The following GABRA4 variants were observed in gnomAD, a reference collection of about 807,000 sequenced individuals.
GABRA4 encodes gamma-aminobutyric acid type A receptor subunit alpha4.
In GABRA4, 12 loss-of-function variants were observed where a neutral mutation model predicts 49.7. The ratio of observed to expected loss-of-function variants is 0.24; its 90% confidence interval spans 0.15 to 0.39. The LOEUF (loss-of-function observed/expected upper bound fraction) is 0.39, where lower values mean the gene tolerates loss of function less well. Ranked by LOEUF, GABRA4 falls within the 10% of genes least tolerant of loss-of-function variation. The pLI, the probability that GABRA4 is intolerant of heterozygous loss-of-function variation, is 1.00. For missense variants in GABRA4, 506 were observed against 686.0 expected (o/e 0.74, Z 2.93); for synonymous variants, 288 against 240.2 (o/e 1.20, Z -1.84).
rs1577787883 is a variant in GABRA4, at chr4:46,977,129, G to A, written c.509C>T (p.Ala170Val). The stretch of plus-strand genomic sequence containing the variant: ...ATCCACCAATCTCATGGGACACTCC[G>A]CACTTATGGTGAGTCTATGATGAAA... ...ILYTMRLTIS[A>V]ECPMRLVDFP... Residue 170 changes from alanine (A) to valine (V), a missense_variant, in exon 5 of 9, where the codon GCG becomes GTG. Ala to Val is a moderately conservative substitution (Grantham distance 64, BLOSUM62 0). Coordinates refer to ENST00000264318, the MANE Select transcript of GABRA4 (RefSeq NM_000809.4). The A allele has an allele frequency of 2.5e-6, 4 of 1,604,070 alleles. No individual in the cohort carries two copies. Among genetic ancestry groups the A allele is most frequent in the Non-Finnish European group, 3.4e-6 (4 of 1,172,760 alleles).
Position 46,922,164 on chromosome 4 carries a change from G to C in GABRA4, c.*6061C>G, listed in dbSNP as rs913168687. ...AGAATACTAAGGCTAATGTGGGGAA[G>C]GGGGTGGGACTACAAGCAATAATCA... On this transcript the variant is annotated 3_prime_UTR_variant, in exon 9 of 9. Transcript: ENST00000264318. The C allele has an allele frequency of 6.6e-6, 1 of 152,126 alleles. No individual in the cohort carries two copies. Among genetic ancestry groups the C allele is most frequent in the Non-Finnish European group, 1.5e-5 (1 of 68,030 alleles). 9.4% of individuals were successfully genotyped at this position (152,126 alleles called of 1,614,324 possible).
chr4:46,964,856 T>G (rs1722696788), intron 8 of GABRA4, 114 bp downstream of exon 8: 1 of 1,145,988 alleles, frequency 8.7e-7, no homozygotes, highest in African/African-American at 1.6e-5. Context: ...TCTGTATTTT[T>G]AAATGACTTA....
At position 46,920,185 on chromosome 4, in the gene GABRA4, T is replaced by G. The variant is rs1213117032; in HGVS notation, c.*8040A>C. Reference sequence around the variant, plus strand: ...ACATTGTCTGTTATCAGAGCTTCTTTTACTTCCCTCTAAGGAAGCTGTTTT... The same window carrying G: ...ACATTGTCTGTTATCAGAGCTTCTTGTACTTCCCTCTAAGGAAGCTGTTTT... On this transcript the variant is annotated 3_prime_UTR_variant, in exon 9 of 9. Transcript: ENST00000264318. The G allele has an allele frequency of 6.6e-6, 1 of 151,722 alleles. No individual in the cohort carries two copies. Among genetic ancestry groups the G allele is most frequent in the East Asian group, 1.9e-4 (1 of 5,194 alleles). The allele number at this position is 151,722 out of a possible 1,614,324, so 9.4% of individuals were successfully genotyped here.
At chr4:46,952,634 CA>C (rs1313785352) in intron 8 of GABRA4, among the ~76,000 whole-genome samples, 1 of 151,944 alleles carries the variant, frequency 6.6e-6, no homozygotes. Flanking sequence ...CTCAAAATAG[CA>C]AAAGGGAAAA....
At position 46,921,509 on chromosome 4, in the gene GABRA4, T is replaced by G. The variant is rs563610782; in HGVS notation, c.*6716A>C. On this transcript the variant is annotated 3_prime_UTR_variant, in exon 9 of 9. Coordinates refer to ENST00000264318, the MANE Select transcript of GABRA4 (RefSeq NM_000809.4). ...ATTTATTTTTTATACAGGAGTTCTT[T>G]CTATCAGCTTCCTAGTCCTTCTCAA... is the stretch of plus-strand genomic sequence containing the variant. 1 of 152,180 alleles carries G rather than the reference T, an allele frequency of 6.6e-6. No individual in the cohort carries two copies. The highest frequency in any genetic ancestry group is 1.9e-4 in the East Asian group (1 of 5,176). The allele number at this position is 152,180 out of a possible 1,614,324, so 9.4% of individuals were successfully genotyped here. A position where few individuals can be genotyped will look rare whatever the true frequency, so the allele number is the denominator to read the frequency against.
At chr4:46,932,177 TCCAC>T (rs1721461713) in intron 8 of GABRA4, among the ~76,000 whole-genome samples, 1 of 152,078 alleles carries the variant, frequency 6.6e-6, no homozygotes, top group African/African-American at 2.4e-5. Flanking sequence ...TGTTGCCTAA[TCCAC>T]ACGCTAGCTG....
At chr4:46,961,103 C>G (rs913111743) in intron 8 of GABRA4, among the ~76,000 whole-genome samples, 1 of 151,982 alleles carries the variant, frequency 6.6e-6, no homozygotes, top group East Asian at 1.9e-4. Flanking sequence ...AAAATTCATT[C>G]TGATGATTTT....
At chr4:46,942,667 G>A (rs1288935968) in intron 8 of GABRA4, among the ~76,000 whole-genome samples, 1 of 150,886 alleles carries the variant, frequency 6.6e-6, no homozygotes, top group Non-Finnish European at 1.5e-5. Flanking sequence ...TACTGTCTCA[G>A]TATGTAACAC....
chr4:46,977,697 C>T (rs1723196244), intron 3 of GABRA4, 67 bp from the exon 4 acceptor site: 4 of 1,055,670 alleles, frequency 3.8e-6, no homozygotes, highest in Non-Finnish European at 5.6e-6. Context: ...GAAAATAATG[C>T]ATTAAATTCT....
Position 46,980,638 on chromosome 4 carries a change from A to G in GABRA4, c.206-1540T>C, listed in dbSNP as rs1406860977. Among the ~76,000 whole-genome samples the G allele has an allele frequency of 2.6e-5, 4 of 152,240 alleles. No homozygotes were observed. The South Asian group carries it at 6.2e-4, about 24-fold the overall frequency. Reference sequence around the variant, plus strand: ...ATTTAATGTTTTCAAGACTACATCTATGGAAAGCAGAAAAGTTAATTAAAT... The same window carrying G: ...ATTTAATGTTTTCAAGACTACATCTGTGGAAAGCAGAAAAGTTAATTAAAT... On this transcript the variant is annotated intron_variant, in intron 2 of 8. Coordinates refer to ENST00000264318, the MANE Select transcript of GABRA4 (RefSeq NM_000809.4).
chr4:46,955,078 T>C (rs906599286), intron 8 of GABRA4, among the ~76,000 whole-genome samples: 1 of 152,174 alleles, frequency 6.6e-6, no homozygotes, highest in Non-Finnish European at 1.5e-5. Context: ...TGCTGCTCTC[T>C]AAATTCTATG....
chr4:46,951,619 C>T (rs1250005175), intron 8 of GABRA4, among the ~76,000 whole-genome samples: 1 of 151,932 alleles, frequency 6.6e-6, no homozygotes, highest in East Asian at 1.9e-4. Flanking sequence ...GTGCCAGGGA[C>T]CTAGACAAAG....
At chr4:46,965,360 C>A in intron 7 of GABRA4, 131 bp from the exon 8 acceptor site, 3 of 679,016 alleles carry the variant, frequency 4.4e-6, no homozygotes, top group Non-Finnish European at 6.7e-6. Context: ...TCAAAGAAAA[C>A]CATCTTTGAT....
At chr4:46,939,906 G>T (rs1369703720) in intron 8 of GABRA4, among the ~76,000 whole-genome samples, 1 of 151,900 alleles carries the variant, frequency 6.6e-6, no homozygotes, top group African/African-American at 2.4e-5. Flanking sequence ...GTCATGAAGT[G>T]CTTATAGATA....
At chr4:46,987,753 G>T (rs900123564) in intron 2 of GABRA4, among the ~76,000 whole-genome samples, 1 of 152,040 alleles carries the variant, frequency 6.6e-6, no homozygotes, top group African/African-American at 2.4e-5. Flanking sequence ...AGTAACAAAA[G>T]CTTCATTGGT....
At chr4:46,974,173 G>T in intron 6 of GABRA4, 59 bp downstream of exon 6, 1 of 1,518,312 alleles carries the variant, frequency 6.6e-7, no homozygotes. Context: ...AAAAAGTCAG[G>T]AGAAAACTTT....
intron 3 of GABRA4, 138 bp downstream of exon 3, chr4:46,978,893 A>T: frequency 1.5e-6 from 1 of 678,294 alleles, no homozygotes; most frequent in Non-Finnish European, 2.7e-6. Flanking sequence ...CTTACTCTTC[A>T]TACATTCTTA....
At chr4:46,950,215 C>A (rs956615551) in intron 8 of GABRA4, among the ~76,000 whole-genome samples, 1 of 151,936 alleles carries the variant, frequency 6.6e-6, no homozygotes. Flanking sequence ...TGCTTCAAGT[C>A]AAAATAAAGC....
chr4:46,930,263 T>A (rs577425651), intron 8 of GABRA4, among the ~76,000 whole-genome samples: 1 of 152,162 alleles, frequency 6.6e-6, no homozygotes, highest in Non-Finnish European at 1.5e-5. Context: ...AAAATTGACA[T>A]CAACCTGAAA....
Sources: allele counts gnomAD v4.1 joint callset (sites outside exome capture counted in the v4.1 genomes callset), GRCh38; gene constraint gnomAD v4.1.1; transcripts MANE v1.5; gene names NCBI Gene and HGNC (gene_info 2026-07-23, HGNC 2026-07-21).